Variants in KANK1 observed in about 807,000 individuals in gnomAD.
The protein encoded by KANK1 is KN motif and ankyrin repeat domain-containing protein 1.
In KANK1, 109 loss-of-function variants were observed where a neutral mutation model predicts 106.2. That is an observed-to-expected ratio of 1.03 (90% CI 0.88 to 1.20). The LOEUF is 1.20. KANK1 is among the 50% of genes most tolerant of loss of function. The pLI is 0.00. For synonymous variants in KANK1, 873 were observed against 652.2 expected (o/e 1.34, Z -5.16); for missense variants, 2,399 against 1,710.7 (o/e 1.40, Z -7.10).
At chr9:499,329 A>C (rs1446553845) in intron 3 of KANK1, among the ~76,000 whole-genome samples, 1 of 152,348 alleles carries the variant, frequency 6.6e-6, no homozygotes, top group Admixed American at 6.5e-5. Context: ...AAAGTGGAAC[A>C]ACCTCAGTGT....
chr9:631,654 C>A (rs1835771226), intron 1 of KANK1, among the ~76,000 whole-genome samples: 1 of 152,224 alleles, frequency 6.6e-6, no homozygotes, highest in Non-Finnish European at 1.5e-5. Context: ...AGGTGTCTTT[C>A]AGTGACTCCT....
chr9:566,275 T>A (rs1817787332), intron 1 of KANK1, among the ~76,000 whole-genome samples: 1 of 152,228 alleles, frequency 6.6e-6, no homozygotes, highest in Non-Finnish European at 1.5e-5. Flanking sequence ...GCGTTTAGGT[T>A]GATTCCATGT....
At chr9:617,760 C>T (rs912773053) in intron 1 of KANK1, among the ~76,000 whole-genome samples, 6 of 152,224 alleles carry the variant, frequency 3.9e-5, no homozygotes, top group African/African-American at 9.7e-5. Context: ...GTTTGTGACG[C>T]GTGCATGTGC....
chr9:665,334 A>G (rs1844326563), intron 1 of KANK1, among the ~76,000 whole-genome samples: 1 of 152,132 alleles, frequency 6.6e-6, no homozygotes, highest in South Asian at 2.1e-4. Flanking sequence ...TTTGTATTTG[A>G]TATTTGTACA....
In KANK1 at chr9:711,728, A is replaced by G. The variant is rs17857159; in HGVS notation, c.962A>G (p.Lys321Arg). ...ASQINVCGVR[K>R]RSYSAGNASQ... The stretch of plus-strand genomic sequence containing the variant: ...CAGATCAATGTCTGTGGTGTGAGGA[A>G]GCGGTCCTATAGTGCGGGGAACGCC... The change falls in exon 3 of 12, where the codon AAG (lysine) becomes AGG (arginine). Residue 321 changes from lysine (K) to arginine (R), a missense_variant. Physicochemically the swap from Lys to Arg is conservative, Grantham distance 26. Transcript: ENST00000382297. 1.2e-6 allele frequency: 2 copies of G among 1,614,228 alleles called. No homozygotes were observed. Among genetic ancestry groups the G allele is most frequent in the East Asian group, 2.2e-5 (1 of 44,888 alleles).
intron 2 of KANK1, chr9:677,662 G>A (rs7033392): frequency 0.17 from 25,490 of 152,108 alleles, 3,120 homozygotes; most frequent in East Asian, 0.31. Context: ...CCAAAATGGC[G>A]TGCCAAGTGT....
intron 1 of KANK1, among the ~76,000 whole-genome samples, chr9:609,902 T>C (rs1830179293): frequency 6.6e-6 from 1 of 152,194 alleles, no homozygotes; most frequent in African/African-American, 2.4e-5. Flanking sequence ...CACTCTCACA[T>C]AGAAATGTTT....
chr9:573,530 A>G (rs1357831099), intron 1 of KANK1, among the ~76,000 whole-genome samples: 3 of 152,054 alleles, frequency 2.0e-5, no homozygotes, highest in African/African-American at 7.2e-5. Flanking sequence ...TCGGCCTCCC[A>G]AAGTGCTGGG....
chr9:705,613 C>T lies in KANK1; in HGVS notation c.38-5191C>T, dbSNP rs541349940. ...TATATTTTTTTTGGGGGGGTGGGGG[C>T]GGAGATGAAGTTTTGCTCTTGTTGC... On this transcript the variant is annotated intron_variant, in intron 2 of 11. Transcript: ENST00000382297. 8.0e-5 allele frequency among the ~76,000 whole-genome samples: 12 copies of T among 150,684 alleles called. No homozygotes were observed. In the East Asian group the frequency reaches 1.6e-3, roughly 20 times the overall value.
chr9:570,707 T>C (rs1818944150), intron 1 of KANK1, among the ~76,000 whole-genome samples: 1 of 152,228 alleles, frequency 6.6e-6, no homozygotes, highest in Admixed American at 6.5e-5. Context: ...TGAAAATTTG[T>C]AGTTTTTGTA....
intron 2 of KANK1, chr9:684,355 T>C: frequency 3.0e-6 from 3 of 985,358 alleles, no homozygotes; most frequent in Non-Finnish European, 3.6e-6. Context: ...AACCCTTTGG[T>C]TGGGGATTTT....
intron 1 of KANK1, among the ~76,000 whole-genome samples, chr9:559,175 G>T (rs1815706392): frequency 6.6e-6 from 1 of 152,120 alleles, no homozygotes; most frequent in Non-Finnish European, 1.5e-5. Flanking sequence ...ACCTTCTTGT[G>T]AGTTGTCTAG....
chr9:560,886 T>C (rs955786213), intron 1 of KANK1, among the ~76,000 whole-genome samples: 1 of 152,168 alleles, frequency 6.6e-6, no homozygotes, highest in African/African-American at 2.4e-5. Context: ...TGCATGTTTA[T>C]AGAATGGGAG....
chr9:675,455 A>C (rs1271005207), intron 1 of KANK1, among the ~76,000 whole-genome samples: 3 of 151,978 alleles, frequency 2.0e-5, no homozygotes, highest in Non-Finnish European at 4.4e-5. Flanking sequence ...GTTTGCTAGT[A>C]TTTTTCGAAA....
rs138744403 is a variant in KANK1, at chr9:601,948, T to C, written c.-83-74942T>C. On this transcript the variant is annotated intron_variant, in intron 1 of 11. Coordinates refer to ENST00000382297, the MANE Select transcript of KANK1 (RefSeq NM_015158.5). ...TTGCAACTGGGGTGGCTTTTTGTCT[T>C]CCATGAGTTTTATGGTGAGCTCTTT... is the stretch of plus-strand genomic sequence containing the variant. Among the ~76,000 whole-genome samples, 14 of 152,002 alleles carry C rather than the reference T, an allele frequency of 9.2e-5. No homozygotes were observed. In the East Asian group the frequency reaches 2.7e-3, roughly 29 times the overall value.
At chr9:707,280 C>T (rs950877901) in intron 2 of KANK1, 2 of 970,232 alleles carry the variant, frequency 2.1e-6, no homozygotes, top group African/African-American at 3.5e-5. Flanking sequence ...GGGGCGGCCA[C>T]CGCTGGCCGA....
At chr9:685,970 C>T (rs968703836) in intron 2 of KANK1, among the ~76,000 whole-genome samples, 7 of 152,140 alleles carry the variant, frequency 4.6e-5, no homozygotes, top group Admixed American at 3.9e-4. Flanking sequence ...TAGGCCAAGG[C>T]GTTTGAAGTG....
At chr9:744,787 C>T (rs1429473841) in intron 11 of KANK1, 198 bp downstream of exon 11, 9 of 1,459,556 alleles carry the variant, frequency 6.2e-6, no homozygotes, top group African/African-American at 2.8e-5. Flanking sequence ...AGAGGCTGGA[C>T]CTTGCTTGTC....
intron 1 of KANK1, among the ~76,000 whole-genome samples, chr9:580,231 C>T (rs1377272841): frequency 6.6e-6 from 1 of 152,074 alleles, no homozygotes; most frequent in Non-Finnish European, 1.5e-5. Flanking sequence ...GTTGTTCATT[C>T]CTCCCGGTGG....
Sources: allele counts gnomAD v4.1 joint callset (sites outside exome capture counted in the v4.1 genomes callset), GRCh38; gene constraint gnomAD v4.1.1; transcripts MANE v1.5; gene names NCBI Gene and HGNC (gene_info 2026-07-23, HGNC 2026-07-21).